Variants in RFX4 observed in about 807,000 individuals in gnomAD.
The protein encoded by RFX4 is transcription factor RFX4.
Under a neutral mutation model 95.0 loss-of-function variants are expected in RFX4, and 10 were observed. The observed-to-expected ratio is 0.11, with a 90% CI of 0.06 to 0.18. The LOEUF (loss-of-function observed/expected upper bound fraction) is 0.18. RFX4 is among the 10% of genes least tolerant of loss of function. The probability of loss-of-function intolerance (pLI) is 1.00; values close to 1 mark genes in which losing one functional copy is unlikely to be tolerated. For synonymous variants in RFX4, 321 were observed against 340.7 expected (o/e 0.94, Z 0.64); for missense variants, 640 against 922.0 (o/e 0.69, Z 3.96).
chr12:106,715,544 T>G lies in RFX4; in HGVS notation c.1138T>G (p.Leu380Val). ...TGAGCACCGGAAACTCATCACCCAA[T>G]GTAAGCTGTCCCACCAGGGATTGTT... The part of the protein sequence containing the change: ...RDEHRKLITQ[L>V]YQEFDHLLEE... Residue 380 changes from leucine (L) to valine (V), a missense_variant and splice_region_variant, in exon 11 of 18, where the codon TTA becomes GTA. Leu to Val is a conservative substitution (Grantham distance 32, BLOSUM62 1). This residue lies in a region of RFX4 where 72 missense variants were observed against 80.5 expected (regional missense o/e 0.89). Coordinates refer to ENST00000392842, the MANE Select transcript of RFX4 (RefSeq NM_213594.3). The G allele has an allele frequency of 1.2e-6, 2 of 1,613,868 alleles. No homozygotes were observed. The highest frequency in any genetic ancestry group is 2.2e-5 in the South Asian group (2 of 91,050).
At chr12:106,585,987 C>T (rs1328827124) in intron 1 of RFX4, 1 of 152,244 alleles carries the variant, frequency 6.6e-6, no homozygotes, top group Non-Finnish European at 1.5e-5. Flanking sequence ...GTAATATATT[C>T]CTCGGGTTTC....
intron 4 of RFX4, among the ~76,000 whole-genome samples, chr12:106,669,165 G>A (rs2041233496): frequency 6.6e-6 from 1 of 152,098 alleles, no homozygotes; most frequent in Non-Finnish European, 1.5e-5. Context: ...TCCAGATGTG[G>A]AAATTAAAGC....
At chr12:106,713,694 T>C (rs7973906) in intron 10 of RFX4, among the ~76,000 whole-genome samples, 14,921 of 152,146 alleles carry the variant, frequency 0.098, 934 homozygotes, top group Middle Eastern at 0.15. Context: ...AAACACTATC[T>C]CAAGGAATCC....
chr12:106,636,447 T>C (rs1385046861), intron 2 of RFX4, among the ~76,000 whole-genome samples: 2 of 150,858 alleles, frequency 1.3e-5, no homozygotes, highest in Non-Finnish European at 2.9e-5. Flanking sequence ...GTGGCTACAC[T>C]GGGCAGCTAA....
Position 106,730,882 on chromosome 12 carries a change from C to A in RFX4, c.1352-1248C>A, listed in dbSNP as rs546271043. Among the ~76,000 whole-genome samples, 19 of 152,314 alleles carry A rather than the reference C, an allele frequency of 1.2e-4. No homozygotes were observed. The South Asian group carries it at 1.9e-3, about 15-fold the overall frequency. ...AGGCATGGTGGCACGCACCTATCAT[C>A]CCAGCTACTGGGGAGGCTGAGGCAG... is the stretch of plus-strand genomic sequence containing the variant. On this transcript the variant is annotated intron_variant, in intron 13 of 17. Transcript: ENST00000392842.
In RFX4 at chr12:106,660,215, T is replaced by G. The variant is rs78152827; in HGVS notation, c.315+5864T>G. On this transcript the variant is annotated intron_variant, in intron 4 of 17. Transcript: ENST00000392842. ...AGGAGAAGGCCCTGTAGAGGAGATA[T>G]ATACACATGAGTGACTGCAAAACCA... Among the ~76,000 whole-genome samples, 190 of 152,044 alleles carry G rather than the reference T, an allele frequency of 1.2e-3. 1 individual carries two copies. The highest frequency in any genetic ancestry group is 2.4e-3 in the Non-Finnish European group (160 of 67,998).
chr12:106,654,365 C>T lies in RFX4; in HGVS notation c.315+14C>T. The T allele has an allele frequency of 6.2e-7, 1 of 1,612,102 alleles. No individual in the cohort carries two copies. The highest frequency in any genetic ancestry group is 8.5e-7 in the Non-Finnish European group (1 of 1,178,944). ...AGCTTTGGAAAGGTGAGTCCAGCCT[C>T]ATCAGGCTTGTCCTCCCTACCACCC... On this transcript the variant is annotated intron_variant, in intron 4 of 17. Coordinates refer to ENST00000392842, the MANE Select transcript of RFX4 (RefSeq NM_213594.3).
chr12:106,693,119 A>G (rs1340157990), intron 7 of RFX4: 1 of 444,168 alleles, frequency 2.3e-6, no homozygotes, highest in Non-Finnish European at 4.5e-6. Context: ...GAAACACTGC[A>G]TCTGTCCATT....
At position 106,750,893 on chromosome 12, in the gene RFX4, CGT is replaced by C. The variant is rs1378051669; in HGVS notation, c.1935+107_1935+108del. On this transcript the variant is annotated intron_variant, in intron 17 of 17. Coordinates refer to ENST00000392842, the MANE Select transcript of RFX4 (RefSeq NM_213594.3). ...ACTGTTATGCATACTGTGTGTGCAG[CGT>C]GTGTGTCCCCAAGGAGAGGACAGTC... is the stretch of plus-strand genomic sequence containing the variant. 6 of 1,060,516 alleles carry C rather than the reference CGT, an allele frequency of 5.7e-6. No homozygotes were observed. In the South Asian group the frequency reaches 1.5e-4, roughly 26 times the overall value. The allele number at this position is 1,060,516 out of a possible 1,614,324, so 65.7% of individuals were successfully genotyped here. A position where few individuals can be genotyped will look rare whatever the true frequency, so the allele number is the denominator to read the frequency against.
At chr12:106,662,942 C>T (rs556168443) in intron 4 of RFX4, among the ~76,000 whole-genome samples, 67 of 152,126 alleles carry the variant, frequency 4.4e-4, no homozygotes, top group Non-Finnish European at 6.5e-4. Flanking sequence ...TTCCCAATAC[C>T]ATACTGTCTT....
At chr12:106,732,813 G>A (rs1300998351) in intron 14 of RFX4, 111 bp from the exon 15 acceptor site, 4 of 1,083,514 alleles carry the variant, frequency 3.7e-6, no homozygotes, top group Middle Eastern at 2.2e-4. Context: ...CGAAGAGTTT[G>A]ACAAGAGAGT....
intron 2 of RFX4, among the ~76,000 whole-genome samples, chr12:106,614,764 C>T (rs2040040083): frequency 2.6e-5 from 4 of 152,066 alleles, no homozygotes; most frequent in Admixed American, 2.6e-4. Context: ...CCGCCTTGGC[C>T]TCCCAAAGTG....
rs767663797 is a variant in RFX4 at position 106,696,275 on chromosome 12, C to G, written c.670-8C>G. On this transcript the variant is annotated splice_region_variant and splice_polypyrimidine_tract_variant and intron_variant, in intron 7 of 17. Coordinates refer to ENST00000392842, the MANE Select transcript of RFX4 (RefSeq NM_213594.3). ...CCTCATGATTCTTCTCTCTGTGGGT[C>G]AATACAGGTTCAAAGTTTCCTTCTG... The G allele has an allele frequency of 3.4e-5, 55 of 1,613,940 alleles. No homozygotes were observed. The highest frequency in any genetic ancestry group is 5.9e-6 in the Non-Finnish European group (7 of 1,179,970).
At chr12:106,601,450 T>A in intron 1 of RFX4, 1 of 1,209,492 alleles carries the variant, frequency 8.3e-7, no homozygotes. Flanking sequence ...GCATGTCAAC[T>A]CTTTTATGTA....
intron 1 of RFX4, 91 bp from the exon 2 acceptor site, chr12:106,608,706 A>ATGT: frequency 2.6e-6 from 3 of 1,148,548 alleles, no homozygotes; most frequent in Non-Finnish European, 3.6e-6. Context: ...TGCATTTATG[A>ATGT]TGTTCTGTCT....
chr12:106,654,236 A>G lies in RFX4; in HGVS notation c.200A>G (p.Glu67Gly). 6.2e-7 allele frequency: 1 copy of G among 1,613,920 alleles called. No homozygotes were observed. The highest frequency in any genetic ancestry group is 8.5e-7 in the Non-Finnish European group (1 of 1,179,892). Reference sequence around the variant, plus strand: ...GGCGTTTATTTCCCTAGGCTGGAGGAGAACTATGAGATTGCAGAGGGGGTC... The same window carrying G: ...GGCGTTTATTTCCCTAGGCTGGAGGGGAACTATGAGATTGCAGAGGGGGTC... Reference protein sequence around the residue: ...STPATLQWLEENYEIAEGVCI... With the variant: ...STPATLQWLEGNYEIAEGVCI... The change falls in exon 4 of 18, where the codon GAG becomes GGG. Residue 67 changes from glutamate to glycine, a missense_variant. Coordinates refer to ENST00000392842, the MANE Select transcript of RFX4 (RefSeq NM_213594.3).
intron 13 of RFX4, among the ~76,000 whole-genome samples, chr12:106,728,868 A>G (rs1024468494): frequency 2.0e-5 from 3 of 152,226 alleles, no homozygotes; most frequent in Non-Finnish European, 2.9e-5. Flanking sequence ...ACTTAGCACA[A>G]TGGTAAGCAG....
chr12:106,679,849 G>C (rs1312985983), intron 4 of RFX4, among the ~76,000 whole-genome samples: 2 of 152,206 alleles, frequency 1.3e-5, no homozygotes. Context: ...CCAAGGTGAT[G>C]AGGCCACTAA....
At chr12:106,750,000 G>T (rs574936849) in intron 16 of RFX4, among the ~76,000 whole-genome samples, 1 of 152,322 alleles carries the variant, frequency 6.6e-6, no homozygotes, top group South Asian at 2.1e-4. Context: ...TACAACAGGG[G>T]TTTTAAACAC....
Sources: gnomAD v4.1 joint callset for allele counts (sites outside exome capture counted in the v4.1 genomes callset) on GRCh38, gnomAD v4.1.1 for gene constraint, gnomAD v4.1.1 regional missense constraint, MANE v1.5 for transcripts, NCBI Gene and HGNC (gene_info 2026-07-23, HGNC 2026-07-21) for gene names.